The following PTK2 variants were observed in gnomAD, a reference collection of about 807,000 sequenced individuals.
The protein encoded by PTK2 is focal adhesion kinase 1.
Under a neutral mutation model 150.1 loss-of-function variants are expected in PTK2, and 45 were observed. The observed-to-expected ratio is 0.30, with a 90% confidence interval of 0.24 to 0.38. The LOEUF (loss-of-function observed/expected upper bound fraction) is 0.38, where lower values mean the gene tolerates loss of function less well. PTK2 is among the 10% of genes least tolerant of loss of function. PTK2 has a pLI of 1.00. For synonymous variants in PTK2, 432 were observed against 449.2 expected (o/e 0.96, Z 0.48); for missense variants, 919 against 1,307.3 (o/e 0.70, Z 4.58).
chr8:140,994,283 C>T (rs1380290599), intron 1 of PTK2, among the ~76,000 whole-genome samples: 2 of 152,162 alleles, frequency 1.3e-5, no homozygotes, highest in African/African-American at 2.4e-5. Flanking sequence ...CTTTTGTCTA[C>T]AAACCATTTC....
intron 1 of PTK2, among the ~76,000 whole-genome samples, chr8:140,935,644 T>G (rs573595058): frequency 1.3e-5 from 2 of 151,912 alleles, no homozygotes; most frequent in African/African-American, 4.8e-5. Context: ...ACCAATAAAA[T>G]GAAAGTTTTT....
chr8:140,748,691 G>T (rs1352527190), intron 17 of PTK2, among the ~76,000 whole-genome samples: 1 of 152,054 alleles, frequency 6.6e-6, no homozygotes, highest in African/African-American at 2.4e-5. Flanking sequence ...GACCAAGAGG[G>T]CACTGCATAT....
At chr8:140,734,861 G>T in intron 22 of PTK2, 2 of 464,418 alleles carry the variant, frequency 4.3e-6, no homozygotes, top group South Asian at 3.2e-5. Flanking sequence ...ATGTGAAAAC[G>T]CAGTGAGCTG....
chr8:140,704,028 G>T (rs2154124251), intron 24 of PTK2, among the ~76,000 whole-genome samples: 1 of 152,262 alleles, frequency 6.6e-6, no homozygotes, highest in South Asian at 2.1e-4. Flanking sequence ...GAATCTTCAA[G>T]TAAGACATAT....
chr8:140,979,101 G>A (rs1272537738), intron 1 of PTK2, among the ~76,000 whole-genome samples: 1 of 132,084 alleles, frequency 7.6e-6, no homozygotes, highest in Non-Finnish European at 1.6e-5. Context: ...CACACACCGG[G>A]GCCTGTTGTG....
chr8:140,697,031 G>A (rs2100027014), intron 26 of PTK2, among the ~76,000 whole-genome samples: 1 of 151,538 alleles, frequency 6.6e-6, no homozygotes, highest in South Asian at 2.1e-4. Flanking sequence ...CTACTTGGGA[G>A]GCTGAGGTGG....
At chr8:140,659,110 A>G in exon 32 of PTK2, 1 of 271,308 alleles carries the variant, frequency 3.7e-6, no homozygotes, top group Non-Finnish European at 7.0e-6. Flanking sequence ...AAGGTAGTTT[A>G]GGAATTAAGA....
chr8:140,991,674 C>G (rs564988061), intron 1 of PTK2, among the ~76,000 whole-genome samples: 2 of 152,260 alleles, frequency 1.3e-5, no homozygotes, highest in East Asian at 3.9e-4. Context: ...CAGTGGTTCA[C>G]AAACATTAGC....
chr8:140,802,129 G>C (rs558999985), intron 11 of PTK2, among the ~76,000 whole-genome samples: 20 of 151,830 alleles, frequency 1.3e-4, no homozygotes, highest in Admixed American at 9.2e-4. Flanking sequence ...AGGGCTTCTA[G>C]AAAGTATTCC....
At chr8:140,967,180 C>A (rs1289228898) in intron 1 of PTK2, among the ~76,000 whole-genome samples, 2 of 152,192 alleles carry the variant, frequency 1.3e-5, no homozygotes, top group Non-Finnish European at 2.9e-5. Context: ...ACCAGGAATT[C>A]AAATACTGGT....
chr8:140,696,086 G>A (rs1258612395), intron 26 of PTK2, among the ~76,000 whole-genome samples: 4 of 152,060 alleles, frequency 2.6e-5, no homozygotes, highest in Non-Finnish European at 5.9e-5. Flanking sequence ...AACACTGTAC[G>A]GTGGTACATT....
chr8:140,667,272 G>A (rs947543980), intron 30 of PTK2, among the ~76,000 whole-genome samples: 7 of 152,036 alleles, frequency 4.6e-5, no homozygotes, highest in Non-Finnish European at 7.4e-5. Context: ...TTTATGTTAC[G>A]TGTATTTTAC....
intron 14 of PTK2, 69 bp downstream of exon 15, chr8:140,770,647 C>G: frequency 1.4e-6 from 1 of 705,032 alleles, no homozygotes; most frequent in Non-Finnish European, 2.0e-6. Context: ...CTATAAGCAT[C>G]AGGTTAGAGT....
At chr8:140,987,022 T>A (rs1399863853) in intron 1 of PTK2, among the ~76,000 whole-genome samples, 1 of 152,020 alleles carries the variant, frequency 6.6e-6, no homozygotes, top group Non-Finnish European at 1.5e-5. Flanking sequence ...AAATGGGACA[T>A]CATCAAAACG....
At chr8:140,856,557 T>C (rs1350057438) in intron 5 of PTK2, among the ~76,000 whole-genome samples, 1 of 152,080 alleles carries the variant, frequency 6.6e-6, no homozygotes, top group South Asian at 2.1e-4. Context: ...TATAAGAAAT[T>C]CTAAAACATG....
intron 1 of PTK2, among the ~76,000 whole-genome samples, chr8:140,984,773 G>A (rs935769292): frequency 6.6e-6 from 1 of 152,006 alleles, no homozygotes; most frequent in Non-Finnish European, 1.5e-5. Context: ...CTCTTGTACA[G>A]AGCCTAAACC....
At chr8:140,928,590 T>C (rs1306239779) in intron 1 of PTK2, among the ~76,000 whole-genome samples, 1 of 152,210 alleles carries the variant, frequency 6.6e-6, no homozygotes, top group Admixed American at 6.5e-5. Flanking sequence ...ATGTGGTATA[T>C]AAATTCAATG....
intron 25 of PTK2, among the ~76,000 whole-genome samples, chr8:140,702,128 C>CAAAAAAA (rs749591009): frequency 1.9e-4 from 8 of 42,716 alleles, no homozygotes; most frequent in Non-Finnish European, 2.0e-4. Flanking sequence ...ACTCTGTCTC[C>CAAAAAAA]AAAAAAAAAA....
chr8:140,987,456 T>C (rs1452984534), intron 1 of PTK2, among the ~76,000 whole-genome samples: 2 of 152,164 alleles, frequency 1.3e-5, no homozygotes, highest in East Asian at 1.9e-4. Context: ...GCTGGGATTA[T>C]AGGCATCAGC....
Sources: allele counts gnomAD v4.1 joint callset (sites outside exome capture counted in the v4.1 genomes callset), GRCh38; gene constraint gnomAD v4.1.1; transcripts MANE v1.5; gene names NCBI Gene and HGNC (gene_info 2026-07-23, HGNC 2026-07-21).